HIP1: variants seen among roughly 807,000 people sequenced by gnomAD.
HIP1 encodes huntingtin-interacting protein 1.
A neutral mutation model predicts 147.6 loss-of-function variants in HIP1; 65 were observed. The observed-to-expected ratio is 0.44, with a 90% CI of 0.36 to 0.54. HIP1 has a LOEUF of 0.54. Among genes scored for constraint, HIP1 ranks in the 20% least tolerant of loss-of-function variants. HIP1 has a pLI of 0.00. For missense variants in HIP1, 1,061 were observed against 1,299.6 expected (o/e 0.82, Z 2.82); for synonymous variants, 479 against 504.0 (o/e 0.95, Z 0.67).
intron 1 of HIP1, among the ~76,000 whole-genome samples, chr7:75,628,052 A>G (rs1263803130): frequency 7.9e-5 from 12 of 152,330 alleles, no homozygotes; most frequent in African/African-American, 2.9e-4. Flanking sequence ...CACAATTCTT[A>G]TCCAAGCATA....
At chr7:75,695,531 C>T (rs1554518661) in intron 1 of HIP1, among the ~76,000 whole-genome samples, 2 of 151,758 alleles carry the variant, frequency 1.3e-5, no homozygotes, top group African/African-American at 4.9e-5. Flanking sequence ...TAAATACTTG[C>T]CTGCCGATAT....
intron 3 of HIP1, 33 bp downstream of exon 3, chr7:75,592,339 G>C: frequency 6.3e-7 from 1 of 1,583,416 alleles, no homozygotes; most frequent in Non-Finnish European, 8.6e-7. Flanking sequence ...AGGATCCCTG[G>C]CTCCCTGCCA....
chr7:75,702,141 C>A (rs1800853139), intron 1 of HIP1, among the ~76,000 whole-genome samples: 1 of 150,826 alleles, frequency 6.6e-6, no homozygotes, highest in Admixed American at 6.6e-5. Context: ...GATGGAGTCT[C>A]ACTCTATTGC....
At chr7:75,605,901 G>C (rs34006474) in intron 1 of HIP1, among the ~76,000 whole-genome samples, 5 of 152,152 alleles carry the variant, frequency 3.3e-5, no homozygotes, top group African/African-American at 1.2e-4. Flanking sequence ...CCAGGCTGGA[G>C]TGCAGTGGTG....
Position 75,562,110 on chromosome 7 carries a change from T to G in HIP1, c.1081A>C (p.Asn361His), listed in dbSNP as rs1554494677. The G allele has an allele frequency of 1.9e-6, 3 of 1,613,632 alleles. No homozygotes were observed. The highest frequency in any genetic ancestry group is 3.3e-5 in the Admixed American group (2 of 60,004). ...TTCACACCATTTTGACTGTTGAAAT[T>G]GAAGGGATCACTGCTGAATGAACTG... The part of the protein sequence containing the change: ...FGSSFSSDPF[N>H]FNSQNGVNKD... The change falls in exon 12 of 31, where the codon AAT becomes CAT. Residue 361 changes from asparagine (N) to histidine (H), a missense_variant. Transcript: ENST00000336926.
At chr7:75,542,804 A>G (rs782388203) in intron 28 of HIP1, 47 bp downstream of exon 28, 2 of 1,585,564 alleles carry the variant, frequency 1.3e-6, no homozygotes, top group East Asian at 2.2e-5. Flanking sequence ...GATGCAGAGA[A>G]GAGCTCAACA....
At chr7:75,554,337 C>T (rs1785078605) in intron 20 of HIP1, 103 bp downstream of exon 20, 1 of 1,285,974 alleles carries the variant, frequency 7.8e-7, no homozygotes, top group Admixed American at 1.8e-5. Flanking sequence ...GCCTACATGC[C>T]TTTCTTGATG....
rs1047138798 is a variant in HIP1 at position 75,627,230 on chromosome 7, G to C, written c.121-27983C>G. The stretch of plus-strand genomic sequence containing the variant: ...GAAGCAAGTGCTTAGAACAGCACAT[G>C]GCATATCAAGGGCACTCTATAAACC... On this transcript the variant is annotated intron_variant, in intron 1 of 30. Coordinates refer to ENST00000336926, the MANE Select transcript of HIP1 (RefSeq NM_005338.7). 2.0e-5 allele frequency among the ~76,000 whole-genome samples: 3 copies of C among 152,142 alleles called. No homozygotes were observed. In the East Asian group the frequency reaches 5.8e-4, roughly 29 times the overall value.
chr7:75,616,333 G>A (rs949119308), intron 1 of HIP1, among the ~76,000 whole-genome samples: 1 of 151,786 alleles, frequency 6.6e-6, no homozygotes, highest in Non-Finnish European at 1.5e-5. Context: ...GTAGTGGTAC[G>A]ATCATAGCTC....
chr7:75,684,077 G>A (rs529700843), intron 1 of HIP1, among the ~76,000 whole-genome samples: 3 of 151,970 alleles, frequency 2.0e-5, no homozygotes, highest in Non-Finnish European at 4.4e-5. Flanking sequence ...CCAGGAGTTC[G>A]AGACCAGCCT....
At chr7:75,616,127 G>GAAAAA (rs1797653099) in intron 1 of HIP1, among the ~76,000 whole-genome samples, 1 of 129,306 alleles carries the variant, frequency 7.7e-6, no homozygotes. Flanking sequence ...GAAAAGAAAA[G>GAAAAA]AAAACAAAAA....
intron 1 of HIP1, among the ~76,000 whole-genome samples, chr7:75,702,652 C>T (rs1800872373): frequency 6.6e-6 from 1 of 152,152 alleles, no homozygotes; most frequent in Admixed American, 6.6e-5. Flanking sequence ...AGGCTTGCTT[C>T]CGCTCATGGC....
intron 1 of HIP1, 122 bp from the exon 2 acceptor site, chr7:75,599,369 G>A (rs913278433): frequency 1.3e-6 from 1 of 759,158 alleles, no homozygotes; most frequent in South Asian, 1.5e-5. Context: ...CAGCCCCACG[G>A]GTGGTCGGTT....
rs59350428 is a variant in HIP1, at chr7:75,611,087, ATT to A, written c.121-11842_121-11841del. ...TGTCCAGCTAATTTTTGTATTTTGT[ATT>A]TTTTTTTTTAGTAGAGACAGGGTTT... On this transcript the variant is annotated intron_variant, in intron 1 of 30. Coordinates refer to ENST00000336926, the MANE Select transcript of HIP1 (RefSeq NM_005338.7). 2.0e-4 allele frequency among the ~76,000 whole-genome samples: 29 copies of A among 146,456 alleles called. 1 individual carries two copies. The highest frequency in any genetic ancestry group is 1.9e-3 in the South Asian group (9 of 4,678).
intron 1 of HIP1, among the ~76,000 whole-genome samples, chr7:75,609,914 T>C (rs1330495044): frequency 1.3e-5 from 2 of 150,476 alleles, no homozygotes; most frequent in African/African-American, 4.9e-5. Flanking sequence ...TTTTTTTTTT[T>C]TTTTTTGAGA....
intron 14 of HIP1, among the ~76,000 whole-genome samples, chr7:75,558,494 C>A (rs1795102979): frequency 6.6e-6 from 1 of 152,142 alleles, no homozygotes; most frequent in Non-Finnish European, 1.5e-5. Flanking sequence ...CACGCCACCA[C>A]ACCCGGCTAA....
Position 75,684,941 on chromosome 7 carries a change from A to T in HIP1, c.120+53860T>A, listed in dbSNP as rs578204094. On this transcript the variant is annotated intron_variant, in intron 1 of 30. Transcript: ENST00000336926. The stretch of plus-strand genomic sequence containing the variant: ...CCCGTCTCTACTAAAAATACAAAAA[A>T]TTAGCCAGGCGTGGTGGTGGGTACC... Among the ~76,000 whole-genome samples, 5 of 152,044 alleles carry T rather than the reference A, an allele frequency of 3.3e-5. No individual in the cohort carries two copies. In the East Asian group the frequency reaches 9.7e-4, roughly 29 times the overall value.
chr7:75,631,839 C>T lies in HIP1; in HGVS notation c.121-32592G>A, dbSNP rs1584901479. 3.3e-5 allele frequency among the ~76,000 whole-genome samples: 5 copies of T among 152,138 alleles called. No individual in the cohort carries two copies. In the East Asian group the frequency reaches 9.7e-4, roughly 29 times the overall value. ...GGAGACAAAGGTGGAGGGGAAACAG[C>T]ACTTGGACTTGAGCTTCAAGAAACT... On this transcript the variant is annotated intron_variant, in intron 1 of 30. Coordinates refer to ENST00000336926, the MANE Select transcript of HIP1 (RefSeq NM_005338.7).
chr7:75,690,495 G>A (rs998054360), intron 1 of HIP1, among the ~76,000 whole-genome samples: 3 of 152,110 alleles, frequency 2.0e-5, no homozygotes, highest in East Asian at 1.9e-4. Context: ...TAAAGAAACC[G>A]GAACCCTTGT....
Sources: gnomAD v4.1 joint callset for allele counts (sites outside exome capture counted in the v4.1 genomes callset) on GRCh38, gnomAD v4.1.1 for gene constraint, MANE v1.5 for transcripts, NCBI Gene and HGNC (gene_info 2026-07-23, HGNC 2026-07-21) for gene names.